The following CDH2 variants were observed in gnomAD, a reference collection of about 807,000 sequenced individuals.
CDH2 encodes cadherin 2.
CDH2 carries 17 observed loss-of-function variants against 92.0 expected under a neutral mutation model. The observed-to-expected ratio is 0.18, with a 90% CI of 0.13 to 0.28. The LOEUF (loss-of-function observed/expected upper bound fraction) is 0.28. Among genes scored for constraint, CDH2 ranks in the 10% least tolerant of loss-of-function variants. CDH2 has a pLI of 1.00. For synonymous variants in CDH2, 419 were observed against 415.9 expected (o/e 1.01, Z -0.09); for missense variants, 862 against 1,133.1 (o/e 0.76, Z 3.44).
At chr18:28,100,129 TG>T (rs1567998311) in intron 2 of CDH2, among the ~76,000 whole-genome samples, 1 of 152,178 alleles carries the variant, frequency 6.6e-6, no homozygotes, top group African/African-American at 2.4e-5. Context: ...GGCTGTGCCA[TG>T]GGGTGCCTGG....
At chr18:28,174,268 T>C (rs1182461920) in intron 1 of CDH2, among the ~76,000 whole-genome samples, 1 of 151,766 alleles carries the variant, frequency 6.6e-6, no homozygotes, top group Non-Finnish European at 1.5e-5. Context: ...AAAAAAAACC[T>C]AGACTGTTAA....
At chr18:27,984,048 AAT>A (rs769150721) in intron 13 of CDH2, among the ~76,000 whole-genome samples, 2 of 152,218 alleles carry the variant, frequency 1.3e-5, no homozygotes, top group Non-Finnish European at 2.9e-5. Flanking sequence ...TCCAGGGCTA[AAT>A]CTAGCAAGTG....
intron 1 of CDH2, among the ~76,000 whole-genome samples, chr18:28,150,744 T>C (rs1359429871): frequency 6.6e-6 from 1 of 152,194 alleles, no homozygotes; most frequent in Admixed American, 6.5e-5. Context: ...CTTTGAATAA[T>C]TTCATATTCA....
chr18:28,028,421 G>A (rs1321777236), intron 2 of CDH2, among the ~76,000 whole-genome samples: 1 of 152,082 alleles, frequency 6.6e-6, no homozygotes, highest in Non-Finnish European at 1.5e-5. Flanking sequence ...TAAAATTAAA[G>A]TCCACTGGGC....
At chr18:28,108,422 T>C (rs1415380196) in intron 2 of CDH2, among the ~76,000 whole-genome samples, 1 of 152,138 alleles carries the variant, frequency 6.6e-6, no homozygotes, top group African/African-American at 2.4e-5. Context: ...AAGGAAAAGA[T>C]CCATTTGTTG....
chr18:28,147,461 C>T (rs117773909), intron 2 of CDH2, among the ~76,000 whole-genome samples: 3,199 of 152,118 alleles, frequency 0.021, 49 homozygotes, highest in Middle Eastern at 0.065. Flanking sequence ...AGAAATCTGA[C>T]GATTTCAAGA....
intron 2 of CDH2, among the ~76,000 whole-genome samples, chr18:28,028,563 A>G (rs976140397): frequency 5.3e-5 from 8 of 152,142 alleles, no homozygotes; most frequent in Non-Finnish European, 1.2e-4. Flanking sequence ...GGTCAGGATC[A>G]TACATGAAGA....
Position 28,068,725 on chromosome 18 carries a change from A to T in CDH2, c.173-54816T>A, listed in dbSNP as rs576079393. Among the ~76,000 whole-genome samples, 14 of 152,318 alleles carry T rather than the reference A, an allele frequency of 9.2e-5. No homozygotes were observed. The East Asian group carries it at 1.3e-3, about 15-fold the overall frequency. ...CAGATTTAAGAGTACACTTGGTTTT[A>T]AGAAGGTTGACATGAAATCCCTTCT... On this transcript the variant is annotated intron_variant, in intron 2 of 15. Transcript: ENST00000269141.
chr18:27,985,887 T>G (rs1471406361), intron 11 of CDH2, 126 bp from the exon 12 acceptor site: 1 of 621,898 alleles, frequency 1.6e-6, no homozygotes, highest in East Asian at 2.8e-5. Flanking sequence ...AAAAACATAG[T>G]TGCTATGGCA....
intron 2 of CDH2, among the ~76,000 whole-genome samples, chr18:28,030,862 C>T (rs1269715291): frequency 6.6e-6 from 1 of 152,014 alleles, no homozygotes; most frequent in African/African-American, 2.4e-5. Flanking sequence ...ACCTAACACA[C>T]TGCAAAGGAA....
intron 1 of CDH2, among the ~76,000 whole-genome samples, chr18:28,154,391 G>A (rs1287307357): frequency 6.6e-6 from 1 of 152,188 alleles, no homozygotes; most frequent in Non-Finnish European, 1.5e-5. Flanking sequence ...ATTTAGTGCC[G>A]CTCTGTGCTC....
chr18:28,024,361 G>GTT lies in CDH2; in HGVS notation c.173-10453_173-10452insAA, dbSNP rs1398222960. Reference sequence around the variant, plus strand: ...CTTTGTGTTGGGAAAATAAACATATGTAGAAATGAAATCTTAAGACAAAAC... The same window carrying GTT: ...CTTTGTGTTGGGAAAATAAACATATGTTTAGAAATGAAATCTTAAGACAAAAC... On this transcript the variant is annotated intron_variant, in intron 2 of 15. Coordinates refer to ENST00000269141, the MANE Select transcript of CDH2 (RefSeq NM_001792.5). Among the ~76,000 whole-genome samples the GTT allele has an allele frequency of 3.3e-5, 5 of 151,644 alleles. No homozygotes were observed. In the East Asian group the frequency reaches 9.7e-4, roughly 29 times the overall value.
chr18:27,944,464 C>CT (rs1388582358), intron 6 of CDH2, among the ~76,000 whole-genome samples: 1 of 151,992 alleles, frequency 6.6e-6, no homozygotes, highest in African/African-American at 2.4e-5. Context: ...AGTTTAAAAC[C>CT]TGATTAAATG....
At chr18:27,934,933 A>G (rs1408784773) in intron 6 of CDH2, among the ~76,000 whole-genome samples, 1 of 152,124 alleles carries the variant, frequency 6.6e-6, no homozygotes, top group Non-Finnish European at 1.5e-5. Context: ...AGCATACTAC[A>G]CAGGTCTGAG....
At chr18:27,952,862 ATG>A (rs1370102823) in intron 15 of CDH2, among the ~76,000 whole-genome samples, 1 of 152,198 alleles carries the variant, frequency 6.6e-6, no homozygotes, top group Non-Finnish European at 1.5e-5. Context: ...TGACAAAACT[ATG>A]AAGTCAAAGC....
intron 2 of CDH2, among the ~76,000 whole-genome samples, chr18:28,035,801 A>G (rs549362788): frequency 6.6e-6 from 1 of 152,156 alleles, no homozygotes; most frequent in East Asian, 1.9e-4. Context: ...CTGAATATGT[A>G]TGTCTCATTA....
At chr18:27,979,388 G>A (rs534987479) in intron 14 of CDH2, among the ~76,000 whole-genome samples, 1 of 152,326 alleles carries the variant, frequency 6.6e-6, no homozygotes, top group African/African-American at 2.4e-5. Context: ...CAGTGGGGAA[G>A]GGAGGTGTCA....
intron 2 of CDH2, among the ~76,000 whole-genome samples, chr18:28,048,085 A>C (rs2014117280): frequency 6.6e-6 from 1 of 151,660 alleles, no homozygotes; most frequent in African/African-American, 2.4e-5. Flanking sequence ...CCATTTAATA[A>C]ATACAATGTC....
At chr18:28,041,836 A>C (rs1319564844) in intron 2 of CDH2, among the ~76,000 whole-genome samples, 1 of 152,206 alleles carries the variant, frequency 6.6e-6, no homozygotes, top group East Asian at 1.9e-4. Flanking sequence ...CAATAACATA[A>C]ACATGTAAAA....
Sources: gnomAD v4.1 joint callset for allele counts (sites outside exome capture counted in the v4.1 genomes callset) on GRCh38, gnomAD v4.1.1 for gene constraint, MANE v1.5 for transcripts, NCBI Gene and HGNC (gene_info 2026-07-23, HGNC 2026-07-21) for gene names.